The following CHD9 variants were observed in gnomAD, a reference collection of about 807,000 sequenced individuals.
CHD9 encodes chromodomain helicase DNA binding protein 9.
In CHD9, 77 loss-of-function variants were observed where a neutral mutation model predicts 316.1. The observed-to-expected ratio is 0.24, with a 90% CI of 0.20 to 0.29. CHD9 has a LOEUF of 0.29. Ranked by LOEUF, CHD9 falls within the 10% of genes least tolerant of loss-of-function variation. The probability of loss-of-function intolerance (pLI) is 1.00; values close to 1 mark genes in which losing one functional copy is unlikely to be tolerated. For synonymous variants in CHD9, 1,129 were observed against 1,158.3 expected, an observed-to-expected ratio of 0.97 and a Z score of 0.51; for missense variants, 2,763 against 3,438.1, an observed-to-expected ratio of 0.80 and a Z score of 4.91.
rs1385131635 is a variant in CHD9, at chr16:53,146,436, T to TATATATATATATATATATATATATATAA, written c.-164-9489_-164-9488insTATATATATATATATATATATATATAAA. ...GTGTGTATGTATATATATATATATA[T>TATATATATATATATATATATATATATAA]AATTAAAAAGTTCCAGAGATTGGTG... On this transcript the variant is annotated intron_variant, in intron 1 of 38. Coordinates refer to ENST00000447540, the MANE Select transcript of CHD9 (RefSeq NM_001308319.2). 7.5e-4 allele frequency among the ~76,000 whole-genome samples: 98 copies of TATATATATATATATATATATATATATAA among 130,898 alleles called. 2 individuals carry two copies. The highest frequency in any genetic ancestry group is 3.0e-3 in the African/African-American group (94 of 31,734). 85.9% of individuals were successfully genotyped at this position (130,898 alleles called of 152,430 possible).
At chr16:53,119,271 A>C (rs1351891139) in intron 1 of CHD9, among the ~76,000 whole-genome samples, 5 of 152,134 alleles carry the variant, frequency 3.3e-5, no homozygotes, top group African/African-American at 4.8e-5. Flanking sequence ...TACCTCAATA[A>C]AGCTGGGGAG....
chr16:53,146,778 G>T (rs1471309407), intron 1 of CHD9, among the ~76,000 whole-genome samples: 2 of 147,400 alleles, frequency 1.4e-5, no homozygotes, highest in East Asian at 4.0e-4. Flanking sequence ...TAGCCTGGGG[G>T]ACAGAGTGAG....
chr16:53,281,161 C>T (rs2053377825), intron 24 of CHD9, among the ~76,000 whole-genome samples: 1 of 152,100 alleles, frequency 6.6e-6, no homozygotes, highest in Admixed American at 6.6e-5. Flanking sequence ...CATATTTCTC[C>T]CAGAACTCTT....
intron 30 of CHD9, among the ~76,000 whole-genome samples, chr16:53,301,767 C>CTTTTTTTTTTTTTTT: frequency 7.9e-6 from 1 of 126,228 alleles, no homozygotes; most frequent in Non-Finnish European, 1.7e-5. Context: ...TCTTTTTTTT[C>CTTTTTTTTTTTTTTT]TTTTTTTTTT....
chr16:53,156,835 A>C lies in CHD9; in HGVS notation c.746A>C (p.Glu249Ala). Residue 249 changes from glutamate to alanine, a missense_variant, in exon 2 of 39, where the codon GAA becomes GCA. Around this residue, in one of 15 missense-constraint regions of CHD9, gnomAD observed 859 missense variants for 890.4 expected, o/e 0.96. Coordinates refer to ENST00000447540, the MANE Select transcript of CHD9 (RefSeq NM_001308319.2). ...TTCCACAAGTGTAGCAGTCATCAAG[A>C]AGGAAATTTTAATGGACCTTCCCCA... Reference protein sequence around the residue: ...AHFHKCSSHQEGNFNGPSPNM... With the variant: ...AHFHKCSSHQAGNFNGPSPNM... 6.2e-7 allele frequency: 1 copy of C among 1,613,808 alleles called. No homozygotes were observed. The highest frequency in any genetic ancestry group is 8.5e-7 in the Non-Finnish European group (1 of 1,179,870).
intron 1 of CHD9, among the ~76,000 whole-genome samples, chr16:53,060,454 A>T (rs2032734117): frequency 6.6e-6 from 1 of 152,058 alleles, no homozygotes; most frequent in Non-Finnish European, 1.5e-5. Flanking sequence ...TTTCTATTTT[A>T]AAAATTTTAA....
chr16:53,211,664 G>A (rs927187994), intron 3 of CHD9, among the ~76,000 whole-genome samples: 8 of 152,096 alleles, frequency 5.3e-5, no homozygotes, highest in Admixed American at 5.2e-4. Context: ...GAATTTATAA[G>A]TCGCAGGCAG....
intron 1 of CHD9, among the ~76,000 whole-genome samples, chr16:53,119,114 GC>G (rs889465462): frequency 6.6e-6 from 1 of 151,556 alleles, no homozygotes; most frequent in East Asian, 1.9e-4. Flanking sequence ...TCTAAAGAAG[GC>G]CCCCCAACCT....
Position 53,324,271 on chromosome 16 carries a change from G to A in CHD9, c.8070G>A (p.Gly2690=), listed in dbSNP as rs1408890137. The change falls in exon 39 of 39, where the codon GGG becomes GGA. Residue 2690 remains glycine, a synonymous_variant. Coordinates refer to ENST00000447540, the MANE Select transcript of CHD9 (RefSeq NM_001308319.2). ...TGCAGTCACTGCAAGTAACTGCTGG[G>A]TTGATGGGAATGCCTACCGGCCTTC... ...QNLQSLQVTA[G]LMGMPTGLPS... is the part of the protein sequence containing the mutation. The A allele has an allele frequency of 1.9e-6, 3 of 1,613,984 alleles. No individual in the cohort carries two copies. The highest frequency in any genetic ancestry group is 1.1e-5 in the South Asian group (1 of 91,082).
At chr16:53,138,887 A>G (rs530717240) in intron 1 of CHD9, among the ~76,000 whole-genome samples, 18 of 152,276 alleles carry the variant, frequency 1.2e-4, no homozygotes, top group African/African-American at 3.6e-4. Context: ...TAGAAATAGG[A>G]TGATTTGGTT....
chr16:53,100,470 T>C (rs886751483), intron 1 of CHD9, among the ~76,000 whole-genome samples: 2 of 148,128 alleles, frequency 1.4e-5, no homozygotes, highest in African/African-American at 2.6e-5. Flanking sequence ...TTTTTTTTTT[T>C]CCAAAAGACA....
At position 53,326,948 on chromosome 16, in the gene CHD9, A is replaced by G. The variant is rs2057563719; in HGVS notation, c.*2053A>G. On this transcript the variant is annotated 3_prime_UTR_variant, in exon 39 of 39. Coordinates refer to ENST00000447540, the MANE Select transcript of CHD9 (RefSeq NM_001308319.2). ...TTATATCAAATTTATGAGAGAAAGT[A>G]TTTTCCTAATTATGGTCAAATAAAT... is the stretch of plus-strand genomic sequence containing the variant. 6.6e-6 allele frequency: 1 copy of G among 152,176 alleles called. No individual in the cohort carries two copies. Among genetic ancestry groups the G allele is most frequent in the Non-Finnish European group, 1.5e-5 (1 of 67,850 alleles). 9.4% of individuals were successfully genotyped at this position (152,176 alleles called of 1,614,324 possible). A position where few individuals can be genotyped will look rare whatever the true frequency, so the allele number is the denominator to read the frequency against.
At chr16:53,201,854 T>TTTGTTG in intron 2 of CHD9, among the ~76,000 whole-genome samples, 1 of 151,780 alleles carries the variant, frequency 6.6e-6, no homozygotes, top group East Asian at 1.9e-4. Flanking sequence ...GGTTTTTTTT[T>TTTGTTG]TTGTTGTTGT....
chr16:53,318,396 C>T (rs2057035358), intron 37 of CHD9, 56 bp downstream of exon 37: 2 of 1,354,456 alleles, frequency 1.5e-6, no homozygotes, highest in Non-Finnish European at 2.0e-6. Context: ...TAAGAGATCT[C>T]CAGAACACTA....
chr16:53,056,967 G>A (rs1033554777), intron 1 of CHD9, among the ~76,000 whole-genome samples: 2 of 151,916 alleles, frequency 1.3e-5, no homozygotes, highest in African/African-American at 4.8e-5. Flanking sequence ...GTGCAACAGA[G>A]CAAGGCCCTG....
intron 1 of CHD9, among the ~76,000 whole-genome samples, chr16:53,067,149 C>T (rs1482018780): frequency 1.3e-5 from 2 of 152,132 alleles, no homozygotes; most frequent in Non-Finnish European, 2.9e-5. Context: ...TGCTGTGTTA[C>T]CCAGGCTGGT....
chr16:53,253,960 T>C (rs2050344881), intron 17 of CHD9, among the ~76,000 whole-genome samples: 1 of 152,140 alleles, frequency 6.6e-6, no homozygotes, highest in Non-Finnish European at 1.5e-5. Context: ...GTGGATCACT[T>C]GAGGTCAGGA....
At chr16:53,161,594 A>C (rs1267291617) in intron 2 of CHD9, among the ~76,000 whole-genome samples, 1 of 152,186 alleles carries the variant, frequency 6.6e-6, no homozygotes, top group Non-Finnish European at 1.5e-5. Context: ...ATAATTTTTT[A>C]GTTTATGAAA....
chr16:53,207,898 A>T (rs1464825692), intron 2 of CHD9: 1 of 257,008 alleles, frequency 3.9e-6, no homozygotes, highest in Non-Finnish European at 6.1e-6. Context: ...TTGGGGGTTA[A>T]ATTGCAGAGT....
Sources: gnomAD v4.1 joint callset for allele counts (sites outside exome capture counted in the v4.1 genomes callset) on GRCh38, gnomAD v4.1.1 for gene constraint, gnomAD v4.1.1 regional missense constraint, MANE v1.5 for transcripts, NCBI Gene and HGNC (gene_info 2026-07-23, HGNC 2026-07-21) for gene names.